The following SLC30A9 variants were observed in gnomAD, a reference collection of about 807,000 sequenced individuals.
The protein encoded by SLC30A9 is proton-coupled zinc antiporter SLC30A9, mitochondrial.
A neutral mutation model predicts 87.5 loss-of-function variants in SLC30A9; 58 were observed. The ratio of observed to expected loss-of-function variants is 0.66; its 90% CI spans 0.54 to 0.82. SLC30A9 has a LOEUF of 0.82. SLC30A9 is among the 40% of genes least tolerant of loss of function. The probability of loss-of-function intolerance (pLI) is 0.00; values close to 1 mark genes in which losing one functional copy is unlikely to be tolerated. For synonymous variants in SLC30A9, 234 were observed against 233.0 expected (o/e 1.00, Z -0.04); for missense variants, 557 against 679.1 (o/e 0.82, Z 2.00).
chr4:42,012,960 T>C lies in SLC30A9; in HGVS notation c.275-5151T>C, dbSNP rs1715516608. ...TTTTTTTAATATTAAATGCTAAAACTATAATCAACCAGGCTCAGTGGCTGA... is the reference window on the plus strand; with the variant it reads ...TTTTTTTAATATTAAATGCTAAAACCATAATCAACCAGGCTCAGTGGCTGA... On this transcript the variant is annotated intron_variant, in intron 2 of 17. Coordinates refer to ENST00000264451, the MANE Select transcript of SLC30A9 (RefSeq NM_006345.4). Among the ~76,000 whole-genome samples, 3 of 152,188 alleles carry C rather than the reference T, an allele frequency of 2.0e-5. No individual in the cohort carries two copies. The South Asian group carries it at 6.2e-4, about 32-fold the overall frequency.
intron 8 of SLC30A9, among the ~76,000 whole-genome samples, chr4:42,048,083 G>A (rs1717242228): frequency 6.6e-6 from 1 of 151,988 alleles, no homozygotes; most frequent in East Asian, 1.9e-4. Context: ...ATTGGGGGGT[G>A]GGTGGCTAGG....
At chr4:42,042,353 G>C (rs1716956092) in intron 8 of SLC30A9, among the ~76,000 whole-genome samples, 1 of 152,146 alleles carries the variant, frequency 6.6e-6, no homozygotes, top group Non-Finnish European at 1.5e-5. Context: ...AGTTGACATG[G>C]GATGCTTGAG....
intron 2 of SLC30A9, among the ~76,000 whole-genome samples, chr4:42,011,183 CAT>C (rs1217444201): frequency 6.6e-6 from 1 of 152,154 alleles, no homozygotes. Flanking sequence ...GGAGAGGCCT[CAT>C]GTGGCAGAAG....
At chr4:42,029,946 T>C (rs1577695222) in intron 6 of SLC30A9, 2 of 837,928 alleles carry the variant, frequency 2.4e-6, no homozygotes, top group East Asian at 6.5e-5. Context: ...GAATTATCCC[T>C]ACTATGGCAA....
rs1219943809 is a variant in SLC30A9 at position 42,067,231 on chromosome 4, A to T, written c.1252+39A>T. ...AAATTACAGGTGATTTATTTGTCCT[A>T]CTTAAATAATTCTCTAATATGTGGG... On this transcript the variant is annotated intron_variant, in intron 14 of 17. Transcript: ENST00000264451. 5.7e-6 allele frequency: 7 copies of T among 1,224,434 alleles called. No individual in the cohort carries two copies. In the African/African-American group the frequency reaches 1.0e-4, roughly 18 times the overall value. 75.8% of individuals were successfully genotyped at this position (1,224,434 alleles called of 1,614,324 possible). A position where few individuals can be genotyped will look rare whatever the true frequency, so the allele number is the denominator to read the frequency against.
intron 15 of SLC30A9, 60 bp from the exon 16 acceptor site, chr4:42,075,596 TA>T: frequency 6.9e-7 from 1 of 1,439,732 alleles, no homozygotes; most frequent in African/African-American, 1.4e-5. Flanking sequence ...TTTGTGCTAT[TA>T]AAGTATATAT....
chr4:42,061,923 G>A lies in SLC30A9; in HGVS notation c.897-1063G>A, dbSNP rs1273198155. Among the ~76,000 whole-genome samples, 13 of 135,230 alleles carry A rather than the reference G, an allele frequency of 9.6e-5. No homozygotes were observed. The South Asian group carries it at 1.7e-3, about 18-fold the overall frequency. 88.7% of individuals were successfully genotyped at this position (135,230 alleles called of 152,430 possible). A position where few individuals can be genotyped will look rare whatever the true frequency, so the allele number is the denominator to read the frequency against. ...TTCAAAAAAAAAAAATGTCGGGCGC[G>A]GTGGCCCACGCCTGTAATCCCAGCA... On this transcript the variant is annotated intron_variant, in intron 10 of 17. Transcript: ENST00000264451.
intron 2 of SLC30A9, among the ~76,000 whole-genome samples, chr4:42,011,829 A>C (rs373853158): frequency 6.6e-6 from 1 of 152,252 alleles, no homozygotes; most frequent in South Asian, 2.1e-4. Flanking sequence ...GCAAATAATT[A>C]GGAAAAGGAG....
intron 4 of SLC30A9, among the ~76,000 whole-genome samples, chr4:42,021,760 T>G (rs1390803169): frequency 6.6e-6 from 1 of 151,904 alleles, no homozygotes; most frequent in Non-Finnish European, 1.5e-5. Flanking sequence ...TTTTGTTTGT[T>G]TTTTTTTGAG....
intron 10 of SLC30A9, among the ~76,000 whole-genome samples, chr4:42,062,545 T>C (rs763116782): frequency 1.6e-4 from 24 of 152,238 alleles, no homozygotes; most frequent in Non-Finnish European, 3.1e-4. Context: ...TAAACTTCTG[T>C]ATCCAGCATC....
chr4:42,042,620 T>G (rs1414980609), intron 8 of SLC30A9, among the ~76,000 whole-genome samples: 1 of 152,108 alleles, frequency 6.6e-6, no homozygotes, highest in Non-Finnish European at 1.5e-5. Flanking sequence ...GACAGAAAAC[T>G]TGGGGGTAGG....
At chr4:42,003,584 T>G (rs1339989514) in intron 2 of SLC30A9, among the ~76,000 whole-genome samples, 2 of 152,170 alleles carry the variant, frequency 1.3e-5, no homozygotes, top group Non-Finnish European at 2.9e-5. Flanking sequence ...CTACATTTCT[T>G]TTGGTTACTA....
intron 2 of SLC30A9, among the ~76,000 whole-genome samples, chr4:42,006,173 C>T (rs1464044994): frequency 1.3e-5 from 2 of 152,184 alleles, no homozygotes; most frequent in South Asian, 2.1e-4. Flanking sequence ...TATGCAAATA[C>T]TGCACCATTT....
intron 2 of SLC30A9, among the ~76,000 whole-genome samples, chr4:42,014,274 T>TTGTTA (rs1715596711): frequency 6.6e-6 from 1 of 152,092 alleles, no homozygotes; most frequent in South Asian, 2.1e-4. Context: ...CCCTTGTACA[T>TTGTTA]TGTTGGTGGG....
rs746262033 is a variant in SLC30A9 at position 42,075,750 on chromosome 4, A to G, written c.1512A>G (p.Ser504=). The part of the protein sequence containing the change: ...VDFDGRVVTR[S]YLEKQDFDQM... ...TTGATGGGCGAGTTGTTACAAGATC[A>G]TATTTGGAAAAACAAGATTTTGACC... Residue 504 remains serine, a synonymous_variant, in exon 16 of 18, where the codon TCA becomes TCG. Coordinates refer to ENST00000264451, the MANE Select transcript of SLC30A9 (RefSeq NM_006345.4). 3 of 1,612,060 alleles carry G rather than the reference A, an allele frequency of 1.9e-6. No homozygotes were observed. The highest frequency in any genetic ancestry group is 1.1e-5 in the South Asian group (1 of 90,954).
At chr4:42,070,302 A>G (rs1410785552) in intron 14 of SLC30A9, 3 of 417,700 alleles carry the variant, frequency 7.2e-6, no homozygotes, top group African/African-American at 5.9e-5. Context: ...GGTACAAGTA[A>G]GAGATCTTAA....
intron 9 of SLC30A9, among the ~76,000 whole-genome samples, chr4:42,058,355 C>T (rs568886485): frequency 3.9e-5 from 6 of 152,126 alleles, no homozygotes; most frequent in Admixed American, 1.3e-4. Flanking sequence ...CTTTATTGTC[C>T]GTATTGCTGT....
At chr4:42,006,522 A>G (rs1715208829) in intron 2 of SLC30A9, among the ~76,000 whole-genome samples, 1 of 152,080 alleles carries the variant, frequency 6.6e-6, no homozygotes, top group Non-Finnish European at 1.5e-5. Flanking sequence ...CTCTGTCTCT[A>G]CAAAAGATAC....
At chr4:42,084,006 C>T (rs10805099) in intron 17 of SLC30A9, among the ~76,000 whole-genome samples, 1 of 152,008 alleles carries the variant, frequency 6.6e-6, no homozygotes, top group African/African-American at 2.4e-5. Context: ...AATATTCTGC[C>T]AGATTTTGTT....
Sources: gnomAD v4.1 joint callset for allele counts (sites outside exome capture counted in the v4.1 genomes callset) on GRCh38, gnomAD v4.1.1 for gene constraint, MANE v1.5 for transcripts, NCBI Gene and HGNC (gene_info 2026-07-23, HGNC 2026-07-21) for gene names.